EML4: variants seen among roughly 807,000 people sequenced by gnomAD.
EML4 encodes EMAP like 4.
In EML4, 72 loss-of-function variants were observed where a neutral mutation model predicts 129.0. That is an observed-to-expected ratio of 0.56 (90% CI 0.46 to 0.68). The LOEUF (loss-of-function observed/expected upper bound fraction) is 0.68. Among genes scored for constraint, EML4 ranks in the 30% least tolerant of loss-of-function variants. EML4 has a pLI of 0.00. For missense variants in EML4, 1,363 were observed against 1,190.6 expected (o/e 1.14, Z -2.13); for synonymous variants, 532 against 405.0 (o/e 1.31, Z -3.77).
chr2:42,302,301 G>C (rs1344100711), intron 14 of EML4, among the ~76,000 whole-genome samples: 1 of 152,092 alleles, frequency 6.6e-6, no homozygotes. Context: ...AGTCAGGGTA[G>C]TTAGTATGTC....
At chr2:42,313,936 CAAA>C (rs373565249) in intron 17 of EML4, among the ~76,000 whole-genome samples, 5 of 114,910 alleles carry the variant, frequency 4.4e-5, no homozygotes, top group Non-Finnish European at 7.6e-5. Flanking sequence ...GACTCCGTCT[CAAA>C]AAAAAAAAAA....
chr2:42,232,024 A>G (rs904784879), intron 1 of EML4, among the ~76,000 whole-genome samples: 3 of 152,086 alleles, frequency 2.0e-5, no homozygotes, highest in African/African-American at 7.2e-5. Context: ...AATTCTCAGC[A>G]CTTTGAAAAT....
rs775151566 is a variant in EML4, at chr2:42,317,460, A to G, written c.2090A>G (p.Asn697Ser). Reference protein sequence around the residue: ...GTFLAVGSHDNFIYLYVVSEN... With the variant: ...GTFLAVGSHDSFIYLYVVSEN... ...TTCCTGGCTGTAGGATCTCATGACAACTTTATTTACCTCTATGTAGTCTCT... is the reference window on the plus strand; with the variant it reads ...TTCCTGGCTGTAGGATCTCATGACAGCTTTATTTACCTCTATGTAGTCTCT... The change falls in exon 19 of 23, where the codon AAC (asparagine) becomes AGC (serine). Residue 697 changes from asparagine (N) to serine (S), a missense_variant. Transcript: ENST00000318522. 2.0e-5 allele frequency: 33 copies of G among 1,612,860 alleles called. No homozygotes were observed. Among genetic ancestry groups the G allele is most frequent in the Non-Finnish European group, 2.5e-5 (30 of 1,179,352 alleles).
intron 20 of EML4, 114 bp from the exon 21 acceptor site, chr2:42,326,040 T>C: frequency 7.3e-7 from 1 of 1,365,052 alleles, no homozygotes. Context: ...CTTAATGTTT[T>C]TCAGTGTATG....
intron 19 of EML4, chr2:42,319,932 CTAAT>C (rs1189036145): frequency 2.0e-5 from 3 of 152,150 alleles, no homozygotes; most frequent in African/African-American, 7.2e-5. Context: ...TATGATATCT[CTAAT>C]TAAATGTCTG....
rs539270583 is a variant in EML4 at position 42,215,322 on chromosome 2, G to A, written c.26-30183G>A. 1.4e-4 allele frequency among the ~76,000 whole-genome samples: 22 copies of A among 152,130 alleles called. 1 individual carries two copies. The highest frequency in any genetic ancestry group is 6.8e-3 in the Middle Eastern group (2 of 294). ...CCTGCCTCAGCCTCCCAAAGTGCTG[G>A]GATTATAGGCATGTGCCACCATGCC... On this transcript the variant is annotated intron_variant, in intron 1 of 22. Transcript: ENST00000318522.
chr2:42,181,421 C>T (rs1329861134), intron 1 of EML4, among the ~76,000 whole-genome samples: 2 of 152,140 alleles, frequency 1.3e-5, no homozygotes, highest in African/African-American at 4.8e-5. Flanking sequence ...GCCTCAGCCT[C>T]CTGAGTAGCT....
chr2:42,269,887 AGT>A (rs1666272586), intron 6 of EML4, among the ~76,000 whole-genome samples: 1 of 152,192 alleles, frequency 6.6e-6, no homozygotes, highest in Admixed American at 6.5e-5. Context: ...AGGGAAGCAA[AGT>A]GATATAGCAG....
At chr2:42,257,149 GC>G (rs1163094764) in intron 3 of EML4, among the ~76,000 whole-genome samples, 1 of 151,994 alleles carries the variant, frequency 6.6e-6, no homozygotes, top group Non-Finnish European at 1.5e-5. Context: ...GGGATGGTGG[GC>G]AGGAGGGCTG....
chr2:42,264,710 A>T lies in EML4; in HGVS notation c.646A>T (p.Lys216Ter). 7.0e-7 allele frequency: 1 copy of T among 1,434,924 alleles called. No individual in the cohort carries two copies. Among genetic ancestry groups the T allele is most frequent in the South Asian group, 1.2e-5 (1 of 83,836 alleles). 88.9% of individuals were successfully genotyped at this position (1,434,924 alleles called of 1,614,324 possible). The part of the protein sequence containing the change: ...PKVTKTADKH[K>*]DVIINQEGEY... Reference sequence around the variant, plus strand: ...TTTCTTAAATTTCTTTTCTAGGCATAAAGATGTCATCATCAACCAAGGTAA... The same window carrying T: ...TTTCTTAAATTTCTTTTCTAGGCATTAAGATGTCATCATCAACCAAGGTAA... Residue 216 changes from lysine to a stop codon, truncating the protein, a stop_gained, in exon 6 of 23, where the codon AAA becomes TAA. Transcript: ENST00000318522. LOFTEE classifies it high-confidence loss of function.
At chr2:42,298,148 T>C (rs1310073250) in intron 13 of EML4, among the ~76,000 whole-genome samples, 1 of 152,240 alleles carries the variant, frequency 6.6e-6, no homozygotes, top group Admixed American at 6.5e-5. Flanking sequence ...TAAGAAACAC[T>C]GCCATTTTAT....
At chr2:42,296,183 A>G (rs1161799236) in intron 13 of EML4, among the ~76,000 whole-genome samples, 2 of 152,174 alleles carry the variant, frequency 1.3e-5, no homozygotes, top group Non-Finnish European at 2.9e-5. Flanking sequence ...TGTCCAGAGT[A>G]CCATGTACTT....
At chr2:42,275,591 C>G (rs1374976502) in intron 6 of EML4, among the ~76,000 whole-genome samples, 1 of 152,130 alleles carries the variant, frequency 6.6e-6, no homozygotes. Context: ...AGAATTTCTT[C>G]TTTAATAATT....
At chr2:42,233,685 C>G (rs1674490872) in intron 1 of EML4, among the ~76,000 whole-genome samples, 1 of 152,064 alleles carries the variant, frequency 6.6e-6, no homozygotes, top group South Asian at 2.1e-4. Context: ...AAAAATGATT[C>G]TCATTGTTAA....
Position 42,284,632 on chromosome 2 carries a change from A to G in EML4, c.942-2A>G. 3 of 1,609,110 alleles carry G rather than the reference A, an allele frequency of 1.9e-6. No homozygotes were observed. The highest frequency in any genetic ancestry group is 2.5e-6 in the Non-Finnish European group (3 of 1,176,952). On this transcript the variant is annotated splice_acceptor_variant, in intron 8 of 22. Coordinates refer to ENST00000318522, the MANE Select transcript of EML4 (RefSeq NM_019063.5). LOFTEE classifies it high-confidence loss of function. The stretch of plus-strand genomic sequence containing the variant: ...AAAATCATTCTTAATACTGCTTTTT[A>G]GCCTTGCTATACATCCTGACAAAAT...
chr2:42,225,042 A>G (rs183683547), intron 1 of EML4, among the ~76,000 whole-genome samples: 54 of 152,258 alleles, frequency 3.5e-4, no homozygotes, highest in Non-Finnish European at 5.9e-4. Flanking sequence ...TTTACTTAGC[A>G]TAATGTTTTC....
chr2:42,265,098 C>CTTT, intron 6 of EML4: 2 of 694,324 alleles, frequency 2.9e-6, no homozygotes, highest in Non-Finnish European at 4.6e-6. Flanking sequence ...CTACATTTTA[C>CTTT]TTTTTTTTTT....
At chr2:42,172,885 T>C (rs2103787518) in intron 1 of EML4, among the ~76,000 whole-genome samples, 3 of 152,282 alleles carry the variant, frequency 2.0e-5, no homozygotes, top group Middle Eastern at 6.8e-3. Flanking sequence ...ATAATAGAGG[T>C]TTAATTTTAA....
chr2:42,252,993 A>T (rs561096143), intron 2 of EML4, among the ~76,000 whole-genome samples: 2 of 152,184 alleles, frequency 1.3e-5, no homozygotes, highest in African/African-American at 2.4e-5. Flanking sequence ...GTTTGTAAAC[A>T]TAAGAGTAGG....
Sources: gnomAD v4.1 joint callset for allele counts (sites outside exome capture counted in the v4.1 genomes callset) on GRCh38, gnomAD v4.1.1 for gene constraint, MANE v1.5 for transcripts, NCBI Gene and HGNC (gene_info 2026-07-23, HGNC 2026-07-21) for gene names.